Variants in TMIGD3 observed in about 807,000 individuals in gnomAD.
The protein encoded by TMIGD3 is AD026 protein (AD026).
In TMIGD3, 21 loss-of-function variants were observed where a neutral mutation model predicts 28.1. The observed-to-expected ratio is 0.75, with a 90% CI of 0.53 to 1.08. TMIGD3 has a LOEUF of 1.08. TMIGD3 is among the 50% of genes least tolerant of loss of function. The pLI is 0.00. For synonymous variants in TMIGD3, 151 were observed against 162.1 expected (o/e 0.93, Z 0.52); for missense variants, 416 against 435.6 (o/e 0.96, Z 0.40).
chr1:111,499,460 T>TCCA (rs1402809991), intron 1 of TMIGD3: 3 of 992,342 alleles, frequency 3.0e-6, no homozygotes, highest in Admixed American at 1.1e-4. Flanking sequence ...CTCAAAAACA[T>TCCA]CCACAGGTGA....
intron 1 of TMIGD3, among the ~76,000 whole-genome samples, chr1:111,524,513 C>T (rs1656196979): frequency 6.6e-6 from 1 of 152,162 alleles, no homozygotes; most frequent in Admixed American, 6.6e-5. Context: ...ATAATTAGTG[C>T]TATCAATTTC....
In TMIGD3 at chr1:111,485,723, C is replaced by CAAAAAAA; in HGVS notation, c.973+16_973+17insTTTTTTT. On this transcript the variant is annotated intron_variant, in intron 5 of 5. Coordinates refer to ENST00000369716, the MANE Select transcript of TMIGD3 (RefSeq NM_020683.7). ...TCTAATTCTTGCCCACCCCCTCCCT[C>CAAAAAAA]AACAATAGCTACTTACCCCTTCTAT... The CAAAAAAA allele has an allele frequency of 1.5e-6, 2 of 1,324,638 alleles. No homozygotes were observed. The highest frequency in any genetic ancestry group is 2.1e-6 in the Non-Finnish European group (2 of 933,686). The allele number at this position is 1,324,638 out of a possible 1,614,324, so 82.1% of individuals were successfully genotyped here.
chr1:111,551,693 G>T (rs1571459756), intron 1 of TMIGD3, among the ~76,000 whole-genome samples: 1 of 151,842 alleles, frequency 6.6e-6, no homozygotes, highest in East Asian at 1.9e-4. Context: ...ATTTATCTAT[G>T]TAGTTATCAT....
At chr1:111,528,828 T>C (rs1432914519) in intron 1 of TMIGD3, among the ~76,000 whole-genome samples, 1 of 152,096 alleles carries the variant, frequency 6.6e-6, no homozygotes, top group African/African-American at 2.4e-5. Context: ...TTATTCCTTG[T>C]ATAGAGAAGC....
chr1:111,509,881 G>A (rs1300946461), intron 1 of TMIGD3, among the ~76,000 whole-genome samples: 2 of 152,238 alleles, frequency 1.3e-5, no homozygotes, highest in Non-Finnish European at 2.9e-5. Context: ...AGAAAACTAA[G>A]GCTAGGAGAG....
rs1006954419 is a variant in TMIGD3 at position 111,488,615 on chromosome 1, C to T, written c.805+62G>A. ...GCTCACTGGCTTCAGAGAGTGCTCTCTTAGCAGCAAACACCCATGGCTGTG... is the reference window on the plus strand; with the variant it reads ...GCTCACTGGCTTCAGAGAGTGCTCTTTTAGCAGCAAACACCCATGGCTGTG... On this transcript the variant is annotated intron_variant, in intron 3 of 5. Coordinates refer to ENST00000369716, the MANE Select transcript of TMIGD3 (RefSeq NM_020683.7). 8 of 1,484,426 alleles carry T rather than the reference C, an allele frequency of 5.4e-6. No homozygotes were observed. The African/African-American group carries it at 9.7e-5, about 18-fold the overall frequency. The allele number at this position is 1,484,426 out of a possible 1,614,324, so 92.0% of individuals were successfully genotyped here.
intron 5 of TMIGD3, 66 bp from the exon 6 acceptor site, chr1:111,483,823 T>C (rs1379790265): frequency 1.5e-6 from 2 of 1,371,990 alleles, no homozygotes; most frequent in Non-Finnish European, 2.1e-6. Context: ...AGAGTGTTTC[T>C]GCAGCAAAAG....
intron 2 of TMIGD3, chr1:111,489,519 T>G: frequency 1.0e-6 from 1 of 967,304 alleles, no homozygotes; most frequent in Non-Finnish European, 1.3e-6. Flanking sequence ...TCCCAGACTG[T>G]GGTTTTGTTG....
chr1:111,560,213 C>G (rs937775605), intron 1 of TMIGD3, among the ~76,000 whole-genome samples: 11 of 152,168 alleles, frequency 7.2e-5, no homozygotes, highest in Non-Finnish European at 1.5e-4. Flanking sequence ...CACCTACATA[C>G]AAGCCCAACC....
intron 1 of TMIGD3, among the ~76,000 whole-genome samples, chr1:111,558,957 A>G (rs555410395): frequency 1.1e-3 from 175 of 152,306 alleles, no homozygotes; most frequent in African/African-American, 4.1e-3. Flanking sequence ...AATCAAGCAT[A>G]TATGAGGTCA....
rs951014968 is a variant in TMIGD3 at position 111,503,546 on chromosome 1, G to T, written c.-192C>A. The stretch of plus-strand genomic sequence containing the variant: ...TTGGAAACCCTTCTCCTTAGAAAGG[G>T]CTCATCACAGGTGGGTCACTTCCAG... On this transcript the variant is annotated 5_prime_UTR_variant, in exon 1 of 6. Transcript: ENST00000369716. The T allele has an allele frequency of 2.1e-6, 3 of 1,409,972 alleles. No homozygotes were observed. The East Asian group carries it at 7.9e-5, about 37-fold the overall frequency. The allele number at this position is 1,409,972 out of a possible 1,614,324, so 87.3% of individuals were successfully genotyped here. A position where few individuals can be genotyped will look rare whatever the true frequency, so the allele number is the denominator to read the frequency against.
chr1:111,486,486 T>G, intron 4 of TMIGD3, 100 bp downstream of exon 4: 1 of 845,550 alleles, frequency 1.2e-6, no homozygotes, highest in Non-Finnish European at 2.0e-6. Context: ...GTAGAAAAGT[T>G]GTCGGTGCAA....
chr1:111,520,398 C>T (rs1306468219), intron 1 of TMIGD3, among the ~76,000 whole-genome samples: 1 of 152,096 alleles, frequency 6.6e-6, no homozygotes. Context: ...AACAATCTCG[C>T]CAACAAGATA....
intron 1 of TMIGD3, among the ~76,000 whole-genome samples, chr1:111,552,885 T>C (rs1657326162): frequency 6.6e-6 from 1 of 152,240 alleles, no homozygotes; most frequent in African/African-American, 2.4e-5. Context: ...CTGCATATAG[T>C]GAACACTCAA....
At chr1:111,541,870 T>G (rs1425408245) in intron 1 of TMIGD3, among the ~76,000 whole-genome samples, 2 of 152,086 alleles carry the variant, frequency 1.3e-5, no homozygotes, top group Non-Finnish European at 2.9e-5. Flanking sequence ...TGCGAGTGAA[T>G]GCAATAAAAC....
intron 1 of TMIGD3, among the ~76,000 whole-genome samples, chr1:111,492,243 C>G (rs557273095): frequency 6.6e-6 from 1 of 152,306 alleles, no homozygotes; most frequent in East Asian, 1.9e-4. Context: ...ACCACCCAAC[C>G]AAAATGCCCC....
chr1:111,554,996 T>G (rs1215193163), intron 1 of TMIGD3, among the ~76,000 whole-genome samples: 1 of 151,730 alleles, frequency 6.6e-6, no homozygotes, highest in East Asian at 1.9e-4. Flanking sequence ...TACAGAATAT[T>G]TTTTAAGTAT....
intron 1 of TMIGD3, among the ~76,000 whole-genome samples, chr1:111,560,302 T>C (rs78670830): frequency 0.08 from 12,091 of 151,258 alleles, 1,154 homozygotes; most frequent in African/African-American, 0.23. Context: ...AAATCTAGAA[T>C]GGAGAGTGAG....
At position 111,483,405 on chromosome 1, in the gene TMIGD3, C is replaced by A; in HGVS notation, c.*282G>T. 2.6e-6 allele frequency: 1 copy of A among 377,476 alleles called. No individual in the cohort carries two copies. The allele number at this position is 377,476 out of a possible 1,614,324, so 23.4% of individuals were successfully genotyped here. ...AACAAAATACAAGTGATTTCCTGGT[C>A]CCCAATCCAGATTCTCCACCTCTTC... is the stretch of plus-strand genomic sequence containing the variant. On this transcript the variant is annotated 3_prime_UTR_variant, in exon 6 of 6. Coordinates refer to ENST00000369716, the MANE Select transcript of TMIGD3 (RefSeq NM_020683.7).
Sources: allele counts gnomAD v4.1 joint callset (sites outside exome capture counted in the v4.1 genomes callset), GRCh38; gene constraint gnomAD v4.1.1; transcripts MANE v1.5; gene names NCBI Gene and HGNC (gene_info 2026-07-23, HGNC 2026-07-21).